Variants in NPHP4 observed in about 807,000 individuals in gnomAD.
NPHP4 encodes nephrocystin 4.
A neutral mutation model predicts 155.8 loss-of-function variants in NPHP4; 151 were observed. That is an observed-to-expected ratio of 0.97 (90% CI 0.85 to 1.11). The LOEUF (loss-of-function observed/expected upper bound fraction) is 1.11, where lower values mean the gene tolerates loss of function less well. Ranked by LOEUF, NPHP4 falls within the 50% of genes least tolerant of loss-of-function variation. The pLI, the probability that NPHP4 is intolerant of heterozygous loss-of-function variation, is 0.00. For missense variants in NPHP4, 1,956 were observed against 1,925.7 expected (o/e 1.02, Z -0.29); for synonymous variants, 845 against 816.8 (o/e 1.03, Z -0.59).
Position 5,890,511 on chromosome 1 carries a change from T to C in NPHP4, c.2304+357A>G, listed in dbSNP as rs1644065529. 6.6e-6 allele frequency among the ~76,000 whole-genome samples: 1 copy of C among 152,138 alleles called. No homozygotes were observed. Among genetic ancestry groups the C allele is most frequent in the African/African-American group, 2.4e-5 (1 of 41,436 alleles). ...ACTGCACACCCCAGTCATTCGCGTA[T>C]CCATTCATTCATCCTCAACCCACCT... On this transcript the variant is annotated intron_variant, in intron 17 of 29. Transcript: ENST00000378156. This position sits in a 1 kb window ranked among gnomAD's most constrained non-coding sequence, Gnocchi z 4.9.
intron 19 of NPHP4, chr1:5,879,730 G>A (rs940343206): frequency 4.9e-6 from 2 of 409,384 alleles, no homozygotes; most frequent in African/African-American, 4.1e-5. Context: ...GGACAGCACA[G>A]TCCTGCCCTA....
In NPHP4 at chr1:5,890,773, C is replaced by T; in HGVS notation, c.2304+95G>A. ...GTCAAACAAGTCCTGTGCGGGATAG[C>T]GCCCGCTCCTTCCAAGCAGACAGAC... is the stretch of plus-strand genomic sequence containing the variant. On this transcript the variant is annotated intron_variant, in intron 17 of 29. Transcript: ENST00000378156. This position sits in a 1 kb window ranked among gnomAD's most constrained non-coding sequence, Gnocchi z 4.9. The T allele has an allele frequency of 9.8e-6, 12 of 1,226,594 alleles. No individual in the cohort carries two copies. The South Asian group carries it at 1.0e-4, about 10-fold the overall frequency. 76.0% of individuals were successfully genotyped at this position (1,226,594 alleles called of 1,614,324 possible).
At chr1:5,933,374 G>A in intron 9 of NPHP4, 45 bp from the exon 10 acceptor site, 1 of 1,511,502 alleles carries the variant, frequency 6.6e-7, no homozygotes, top group Non-Finnish European at 9.1e-7. Flanking sequence ...TATCACAGAA[G>A]TCACCTGGAG....
At chr1:5,918,289 T>C (rs1028843830) in intron 11 of NPHP4, among the ~76,000 whole-genome samples, 1 of 152,174 alleles carries the variant, frequency 6.6e-6, no homozygotes, top group Non-Finnish European at 1.5e-5. Context: ...TTTTTAAATG[T>C]GGGAATATTT....
In NPHP4 at chr1:5,866,937, T is replaced by C. The variant is rs1452501986; in HGVS notation, c.3558+93A>G. ...AAACCACTTAGCAGAAAACCTAAAA[T>C]GAAGAGGATCCCAGGATACCCGTGG... On this transcript the variant is annotated intron_variant, in intron 25 of 29. Coordinates refer to ENST00000378156, the MANE Select transcript of NPHP4 (RefSeq NM_015102.5). 17 of 945,372 alleles carry C rather than the reference T, an allele frequency of 1.8e-5. No individual in the cohort carries two copies. The Admixed American group carries it at 2.6e-4, about 14-fold the overall frequency. 58.6% of individuals were successfully genotyped at this position (945,372 alleles called of 1,614,324 possible). A position where few individuals can be genotyped will look rare whatever the true frequency, so the allele number is the denominator to read the frequency against.
intron 18 of NPHP4, 132 bp from the exon 19 acceptor site, chr1:5,880,371 CCT>C: frequency 5.8e-6 from 5 of 865,202 alleles, no homozygotes; most frequent in South Asian, 1.7e-5. Context: ...GGCCCCACCG[CCT>C]CTGTTTTGAA....
At position 5,863,390 on chromosome 1, in the gene NPHP4, T is replaced by A; in HGVS notation, c.4156A>T (p.Thr1386Ser). The part of the protein sequence containing the change: ...EDSFQVGGGE[T>S]YTIGLQFAPS... ...GCAAACTGCAAGCCGATGGTGTAGG[T>A]CTCTCCACCCCCGACCTGGAAATAA... is the stretch of plus-strand genomic sequence containing the variant. The change falls in exon 30 of 30, where the codon ACC becomes TCC. Residue 1386 changes from threonine to serine, a missense_variant. By Grantham distance (58) the Thr-to-Ser change is moderately conservative. Transcript: ENST00000378156. 1 of 1,613,752 alleles carries A rather than the reference T, an allele frequency of 6.2e-7. No individual in the cohort carries two copies. Among genetic ancestry groups the A allele is most frequent in the Non-Finnish European group, 8.5e-7 (1 of 1,179,720 alleles).
chr1:5,873,162 C>T (rs1339480973), intron 23 of NPHP4, 90 bp downstream of exon 23: 36 of 1,179,314 alleles, frequency 3.1e-5, no homozygotes, highest in Non-Finnish European at 4.4e-5. Context: ...CCAGCCCTCC[C>T]CTCCAGGAGG....
At position 5,910,908 on chromosome 1, in the gene NPHP4, C is replaced by T. The variant is rs1008445788; in HGVS notation, c.1442-1695G>A. Among the ~76,000 whole-genome samples, 8 of 152,196 alleles carry T rather than the reference C, an allele frequency of 5.3e-5. No individual in the cohort carries two copies. The highest frequency in any genetic ancestry group is 5.2e-4 in the Admixed American group (8 of 15,288). ...GGGCAAGGCCAGAGGGAGCCCCCAA[C>T]CCTCAGAGGATCCAACTGCCCAGCC... On this transcript the variant is annotated intron_variant, in intron 11 of 29. Transcript: ENST00000378156. This position sits in a 1 kb window ranked among gnomAD's most constrained non-coding sequence, Gnocchi z 5.4.
chr1:5,982,968 C>CGTG (rs1251413947), intron 2 of NPHP4, among the ~76,000 whole-genome samples: 3 of 152,150 alleles, frequency 2.0e-5, no homozygotes, highest in Non-Finnish European at 4.4e-5. Flanking sequence ...TCCATATGAA[C>CGTG]TTGGGAAGAA....
Position 5,867,397 on chromosome 1 carries a change from G to A in NPHP4, c.3473-282C>T. The A allele has an allele frequency of 1.8e-6, 1 of 544,682 alleles. No homozygotes were observed. The highest frequency in any genetic ancestry group is 3.3e-6 in the Non-Finnish European group (1 of 306,554). 33.7% of individuals were successfully genotyped at this position (544,682 alleles called of 1,614,324 possible). ...AAAGAAAACACAGCTCCCTGGAGCA[G>A]GGAAGCCTGCACTCTGCTGTAAGGG... On this transcript the variant is annotated intron_variant, in intron 24 of 29. Transcript: ENST00000378156. The surrounding 1 kb of genome is among the most constrained non-coding windows in gnomAD (Gnocchi z 4.1).
chr1:5,932,110 A>G (rs1646308088), intron 10 of NPHP4, among the ~76,000 whole-genome samples: 1 of 152,054 alleles, frequency 6.6e-6, no homozygotes, highest in African/African-American at 2.4e-5. Flanking sequence ...TAAGCCTTCC[A>G]GAACATTGTA....
intron 3 of NPHP4, among the ~76,000 whole-genome samples, chr1:5,977,519 A>G (rs72630643): frequency 0.15 from 22,904 of 151,890 alleles, 1,880 homozygotes; most frequent in Non-Finnish European, 0.2. Flanking sequence ...ACAACTTGCA[A>G]TTACTCTGTT....
chr1:5,932,423 A>G (rs1423183001), intron 10 of NPHP4, among the ~76,000 whole-genome samples: 1 of 152,090 alleles, frequency 6.6e-6, no homozygotes, highest in Non-Finnish European at 1.5e-5. Context: ...ATCTCACCAA[A>G]CACTGCAGCC....
chr1:5,964,418 C>G (rs1650958720), intron 5 of NPHP4, among the ~76,000 whole-genome samples: 1 of 152,340 alleles, frequency 6.6e-6, no homozygotes, highest in African/African-American at 2.4e-5. Flanking sequence ...CCCCACGAAA[C>G]TGCTGCAAAC....
At chr1:5,879,374 C>T (rs569236338) in intron 19 of NPHP4, 60 of 364,850 alleles carry the variant, frequency 1.6e-4, no homozygotes, top group Non-Finnish European at 2.8e-4. Context: ...AACTTCAGAG[C>T]CTCCCTGCTG....
chr1:5,965,940 G>C (rs1415000921), intron 5 of NPHP4, among the ~76,000 whole-genome samples: 4 of 152,104 alleles, frequency 2.6e-5, no homozygotes, highest in African/African-American at 9.7e-5. Flanking sequence ...GGACTCAGCT[G>C]CGCACGTGCA....
rs71568632 is a variant in NPHP4 at position 5,942,530 on chromosome 1, CAAAAA to C, written c.1119+4569_1119+4573del. 8.1e-4 allele frequency among the ~76,000 whole-genome samples: 16 copies of C among 19,734 alleles called. 1 individual carries two copies. The highest frequency in any genetic ancestry group is 1.3e-3 in the Non-Finnish European group (13 of 9,640). 12.9% of individuals were successfully genotyped at this position (19,734 alleles called of 152,430 possible). On this transcript the variant is annotated intron_variant, in intron 9 of 29. Coordinates refer to ENST00000378156, the MANE Select transcript of NPHP4 (RefSeq NM_015102.5). ...TGGGCAACAGAGCGAGACTCCATCT[CAAAAA>C]AAAAAAAAAAAAAAAAGGAGACTAA... is the stretch of plus-strand genomic sequence containing the variant.
At chr1:5,901,592 G>T (rs11122116) in intron 16 of NPHP4, among the ~76,000 whole-genome samples, 1 of 152,204 alleles carries the variant, frequency 6.6e-6, no homozygotes, top group South Asian at 2.1e-4. Context: ...TCCTCTCTGG[G>T]AAATTCATCA....
Sources: gnomAD v4.1 joint callset for allele counts (sites outside exome capture counted in the v4.1 genomes callset) on GRCh38, gnomAD v4.1.1 for gene constraint, Gnocchi (gnomAD v3.1) non-coding constraint, MANE v1.5 for transcripts, NCBI Gene and HGNC (gene_info 2026-07-23, HGNC 2026-07-21) for gene names.